Variants in ASIC2 observed in about 807,000 individuals in gnomAD.
ASIC2 encodes acid sensing ion channel subunit 2.
In ASIC2, 25 loss-of-function variants were observed where a neutral mutation model predicts 57.3. The observed-to-expected ratio is 0.44, with a 90% CI of 0.32 to 0.61. The LOEUF is 0.61. ASIC2 is among the 20% of genes least tolerant of loss of function. The pLI is 0.06. For missense variants in ASIC2, 641 were observed against 738.1 expected, an observed-to-expected ratio of 0.87 and a Z score of 1.52; for synonymous variants, 319 against 307.5, an observed-to-expected ratio of 1.04 and a Z score of -0.39.
At chr17:33,446,488 G>A (rs1025695369) in intron 1 of ASIC2, among the ~76,000 whole-genome samples, 10 of 152,064 alleles carry the variant, frequency 6.6e-5, no homozygotes, top group African/African-American at 2.4e-5. Context: ...AATGTTCAAC[G>A]TGGATTATCA....
At chr17:33,189,800 A>G (rs570541949) in intron 1 of ASIC2, among the ~76,000 whole-genome samples, 18 of 152,328 alleles carry the variant, frequency 1.2e-4, no homozygotes, top group Non-Finnish European at 2.1e-4. Context: ...AAATATGTGA[A>G]GCAAAAGCTG....
chr17:33,724,657 G>A (rs1328761719), intron 1 of ASIC2, among the ~76,000 whole-genome samples: 1 of 152,198 alleles, frequency 6.6e-6, no homozygotes, highest in Non-Finnish European at 1.5e-5. Flanking sequence ...CCAATTACTG[G>A]GATGGGAAAG....
chr17:33,987,713 A>G (rs958770009), intron 1 of ASIC2, among the ~76,000 whole-genome samples: 1 of 152,220 alleles, frequency 6.6e-6, no homozygotes, highest in African/African-American at 2.4e-5. Flanking sequence ...CTGTTAGGTG[A>G]AAGTGCCAAG....
chr17:33,118,592 G>A (rs534156382), intron 1 of ASIC2, among the ~76,000 whole-genome samples: 1 of 152,098 alleles, frequency 6.6e-6, no homozygotes, highest in Non-Finnish European at 1.5e-5. Flanking sequence ...ACCTGGTAGT[G>A]GGGGAGGCAC....
intron 1 of ASIC2, among the ~76,000 whole-genome samples, chr17:33,831,637 T>C (rs1913116596): frequency 6.6e-6 from 1 of 151,316 alleles, no homozygotes; most frequent in Admixed American, 6.6e-5. Flanking sequence ...AAATGTCTAC[T>C]CCTGATTTGA....
At chr17:33,393,611 T>G (rs1481863469) in intron 1 of ASIC2, among the ~76,000 whole-genome samples, 1 of 152,066 alleles carries the variant, frequency 6.6e-6, no homozygotes, top group Non-Finnish European at 1.5e-5. Flanking sequence ...CTTAGCAAAA[T>G]GGGAATAATA....
rs974732833 is a variant in ASIC2 at position 33,788,316 on chromosome 17, C to G, written c.555+367662G>C. Among the ~76,000 whole-genome samples the G allele has an allele frequency of 2.3e-4, 35 of 152,248 alleles. 1 individual carries two copies. Among genetic ancestry groups the G allele is most frequent in the African/African-American group, 7.7e-4 (32 of 41,536 alleles). On this transcript the variant is annotated intron_variant, in intron 1 of 9. Coordinates refer to the ASIC2 transcript ENST00000359872. ...AAACATGAAAAAAAGCTCAACATCA[C>G]TCATCATCAGAGAAATGCAAATCAA...
chr17:33,918,925 C>T (rs948730487), intron 1 of ASIC2, among the ~76,000 whole-genome samples: 1 of 152,092 alleles, frequency 6.6e-6, no homozygotes, highest in Admixed American at 6.5e-5. Context: ...CTGAGTTAGC[C>T]TAGGAGTCCT....
intron 1 of ASIC2, among the ~76,000 whole-genome samples, chr17:33,222,253 A>C (rs923485511): frequency 5.3e-5 from 8 of 152,254 alleles, no homozygotes; most frequent in African/African-American, 1.9e-4. Flanking sequence ...TTAACAATGA[A>C]AAATGAAGTA....
At chr17:34,095,504 CT>C (rs778220254) in intron 1 of ASIC2, among the ~76,000 whole-genome samples, 5 of 151,538 alleles carry the variant, frequency 3.3e-5, no homozygotes, top group Non-Finnish European at 7.4e-5. Flanking sequence ...CATCTTTCAT[CT>C]CCAAATATTA....
chr17:33,370,260 TCTC>T (rs1306648131), intron 1 of ASIC2, among the ~76,000 whole-genome samples: 2 of 152,104 alleles, frequency 1.3e-5, no homozygotes, highest in Non-Finnish European at 2.9e-5. Flanking sequence ...TTCAGCATGT[TCTC>T]CTCACAATGC....
At chr17:33,755,043 A>T (rs543881377) in intron 1 of ASIC2, among the ~76,000 whole-genome samples, 4 of 150,494 alleles carry the variant, frequency 2.7e-5, no homozygotes, top group South Asian at 2.1e-4. Flanking sequence ...TGCTGATGGG[A>T]TTAAGTTAAA....
chr17:33,453,161 G>A (rs931567516), intron 1 of ASIC2, among the ~76,000 whole-genome samples: 3 of 151,880 alleles, frequency 2.0e-5, no homozygotes, highest in African/African-American at 7.3e-5. Flanking sequence ...CATGTTTGTG[G>A]GGTCTGAGAT....
chr17:34,154,160 G>C (rs1313233857), intron 1 of ASIC2, among the ~76,000 whole-genome samples: 1 of 152,196 alleles, frequency 6.6e-6, no homozygotes, highest in Admixed American at 6.5e-5. Flanking sequence ...GGCAGACAGA[G>C]GAACAGCTGA....
chr17:33,075,290 G>T (rs2092084993), intron 3 of ASIC2, among the ~76,000 whole-genome samples: 1 of 152,110 alleles, frequency 6.6e-6, no homozygotes, highest in Admixed American at 6.5e-5. Context: ...TGTCATGATT[G>T]TGAGGCCTCC....
chr17:33,963,186 T>C (rs1341711416), intron 1 of ASIC2, among the ~76,000 whole-genome samples: 4 of 152,148 alleles, frequency 2.6e-5, no homozygotes, highest in Non-Finnish European at 5.9e-5. Context: ...GCCCAGACTC[T>C]GCTCCCAACT....
At chr17:33,641,599 C>T (rs1372214785) in intron 1 of ASIC2, among the ~76,000 whole-genome samples, 5 of 152,216 alleles carry the variant, frequency 3.3e-5, no homozygotes, top group Non-Finnish European at 5.9e-5. Context: ...TGGACACATG[C>T]AGTGGTGCAG....
chr17:33,150,644 T>G (rs1260106250), intron 1 of ASIC2, among the ~76,000 whole-genome samples: 1 of 150,226 alleles, frequency 6.7e-6, no homozygotes, highest in East Asian at 2.0e-4. Context: ...AGGTCAGGAG[T>G]TTGAGACTAG....
chr17:33,745,570 G>A (rs1250646241), intron 1 of ASIC2, among the ~76,000 whole-genome samples: 3 of 150,158 alleles, frequency 2.0e-5, no homozygotes, highest in Non-Finnish European at 4.4e-5. Context: ...CACATAAAAG[G>A]GAAACCCAAT....
Sources: allele counts gnomAD v4.1 joint callset (sites outside exome capture counted in the v4.1 genomes callset), GRCh38; gene constraint gnomAD v4.1.1; transcripts MANE v1.5; gene names NCBI Gene and HGNC (gene_info 2026-07-23, HGNC 2026-07-21).